PIGA: variants seen among roughly 807,000 people sequenced by gnomAD.
The protein encoded by PIGA is phosphatidylinositol glycan anchor biosynthesis class A.
In PIGA, 3 loss-of-function variants were observed where a neutral mutation model predicts 17.1. That is an observed-to-expected ratio of 0.18 (90% CI 0.08 to 0.45). The LOEUF (loss-of-function observed/expected upper bound fraction) is 0.45, where lower values mean the gene tolerates loss of function less well. PIGA is among the 20% of genes least tolerant of loss of function. The probability of loss-of-function intolerance (pLI) is 0.99; values close to 1 mark genes in which losing one functional copy is unlikely to be tolerated. For missense variants in PIGA, 231 were observed against 374.1 expected (o/e 0.62, Z 3.16); for synonymous variants, 126 against 135.1 (o/e 0.93, Z 0.47).
chrX:15,324,100 CTTTT>C (rs528474907), intron 5 of PIGA, among the ~76,000 whole-genome samples: 2 of 112,241 alleles, frequency 1.8e-5, no homozygotes, highest in South Asian at 3.6e-4. Flanking sequence ...TCTGTTGCTG[CTTTT>C]TATTTGTGAT....
intron 3 of PIGA, 65 bp downstream of exon 3, chrX:15,325,849 C>A: frequency 1.1e-6 from 1 of 908,377 alleles, no homozygotes; most frequent in Non-Finnish European, 1.5e-6. Context: ...GGTACGCATG[C>A]AGTTAAAACC....
chrX:15,325,858 C>T, intron 3 of PIGA, 56 bp downstream of exon 3: 1 of 1,060,789 alleles, frequency 9.4e-7, no homozygotes. Context: ...GCAGTTAAAA[C>T]CAAATAGAGA....
Position 15,331,542 on chromosome X carries a change from G to T in PIGA, c.389C>A (p.Ser130Tyr). Residue 130 changes from serine (S) to tyrosine (Y), a missense_variant, in exon 2 of 6, where the codon TCT (serine) becomes TAT (tyrosine). By Grantham distance (144) the Ser-to-Tyr change is moderately radical (BLOSUM62 -2). Transcript: ENST00000333590. ...ERVTIIHSHS[S>Y]FSAMAHDALF... ...AGCATCATGGGCCATAGCAGAAAAA[G>T]AACTATGTGAATGGATTATCGTGAC... is the stretch of plus-strand genomic sequence containing the variant. The T allele has an allele frequency of 8.3e-7, 1 of 1,210,979 alleles. No individual in the cohort carries two copies. The highest frequency in any genetic ancestry group is 1.1e-6 in the Non-Finnish European group (1 of 894,771).
intron 1 of PIGA, among the ~76,000 whole-genome samples, chrX:15,334,018 C>T (rs749581242): frequency 9.0e-6 from 1 of 110,994 alleles, no homozygotes; most frequent in Admixed American, 9.6e-5. Flanking sequence ...TCAAAATCTT[C>T]CTCAGCTTTA....
At chrX:15,325,263 C>A in intron 3 of PIGA, 111 bp from the exon 4 acceptor site, 1 of 655,117 alleles carries the variant, frequency 1.5e-6, no homozygotes, top group Non-Finnish European at 2.1e-6. Flanking sequence ...CTTATTGCTG[C>A]TAATGTTCTC....
At position 15,321,811 on chromosome X, in the gene PIGA, T is replaced by C. The variant is rs754131684; in HGVS notation, c.1189-39A>G. The C allele has an allele frequency of 1.2e-5, 14 of 1,122,832 alleles. No individual in the cohort carries two copies. The South Asian group carries it at 2.5e-4, about 20-fold the overall frequency. 92.5% of individuals were successfully genotyped at this position (1,122,832 alleles called of 1,213,427 possible). On this transcript the variant is annotated intron_variant, in intron 5 of 5. Coordinates refer to ENST00000333590, the MANE Select transcript of PIGA (RefSeq NM_002641.4). ...AGCCAAGTGTGAGCACTTTCACCCA[T>C]CACCCCATCACCTGTCCCATGATAA...
chrX:15,332,856 T>C (rs1922208245), intron 1 of PIGA, among the ~76,000 whole-genome samples: 1 of 111,847 alleles, frequency 8.9e-6, no homozygotes, highest in Non-Finnish European at 1.9e-5. Context: ...GGCCCAGCCA[T>C]CCAGCCAACT....
At chrX:15,330,078 A>C (rs1281872043) in intron 2 of PIGA, among the ~76,000 whole-genome samples, 1 of 91,621 alleles carries the variant, frequency 1.1e-5, no homozygotes, top group Non-Finnish European at 2.2e-5. Flanking sequence ...ACAGTGCGAG[A>C]CTCCGTCTCA....
Position 15,331,835 on chromosome X carries a change from G to T in PIGA, c.96C>A (p.Thr32=), listed in dbSNP as rs750555194. Residue 32 remains threonine, a synonymous_variant, in exon 2 of 6, where the codon ACC becomes ACA. Coordinates refer to ENST00000333590, the MANE Select transcript of PIGA (RefSeq NM_002641.4). ...PGSLYTCRTR[T]HNICMVSDFF... ...AGTCAGATACCATGCATATATTATG[G>T]GTACGGGTTCTACATGTGTAAAGAC... The T allele has an allele frequency of 3.3e-6, 4 of 1,210,171 alleles. No homozygotes were observed. The highest frequency in any genetic ancestry group is 1.7e-5 in the African/African-American group (1 of 57,202).
chrX:15,331,028 C>T (rs937555995), intron 2 of PIGA, 188 bp downstream of exon 2: 2 of 392,374 alleles, frequency 5.1e-6, no homozygotes, highest in Non-Finnish European at 8.8e-6. Context: ...GGACAGCATT[C>T]ACCACCATCC....
At chrX:15,328,866 C>T (rs1386362477) in intron 2 of PIGA, 3 of 112,021 alleles carry the variant, frequency 2.7e-5, no homozygotes, top group Non-Finnish European at 5.6e-5. Context: ...AGAAGATATG[C>T]TATTTGGTTA....
chrX:15,325,788 T>C (rs1360506790), intron 3 of PIGA, 126 bp downstream of exon 3: 5 of 448,241 alleles, frequency 1.1e-5, no homozygotes, highest in Admixed American at 8.4e-5. Flanking sequence ...GCATTAGATT[T>C]ATATCAATTA....
Position 15,331,445 on chromosome X carries a change from G to A in PIGA, c.486C>T (p.Val162=), listed in dbSNP as rs368684591. ...GAAGCTTGTTTGTAAGCACCGAGCT[G>A]ACATCAGCAAATCCAAAAAGGGAAT... ...TDHSLFGFAD[V]SSVLTNKLLT... is the part of the protein sequence containing the mutation. The change falls in exon 2 of 6, where the codon GTC becomes GTT. Residue 162 remains valine, a synonymous_variant. Coordinates refer to ENST00000333590, the MANE Select transcript of PIGA (RefSeq NM_002641.4). 3.3e-6 allele frequency: 4 copies of A among 1,210,049 alleles called. No individual in the cohort carries two copies. The African/African-American group carries it at 7.0e-5, about 21-fold the overall frequency.
At position 15,321,652 on chromosome X, in the gene PIGA, G is replaced by A; in HGVS notation, c.1309C>T (p.Leu437Phe). 1 of 1,210,901 alleles carries A rather than the reference G, an allele frequency of 8.3e-7. No individual in the cohort carries two copies. Among genetic ancestry groups the A allele is most frequent in the East Asian group, 3.0e-5 (1 of 33,847 alleles). ...ATCCATCTCAAGAAAATGAGGAAGA[G>A]GAAGTTGAAAACTGCCAACAAAGCA... Reference protein sequence around the residue: ...IFALLAVFNFLFLIFLRWMTP... With the variant: ...IFALLAVFNFFFLIFLRWMTP... Residue 437 changes from leucine to phenylalanine, a missense_variant, in exon 6 of 6, where the codon CTC (leucine) becomes TTC (phenylalanine). This residue lies in a region of PIGA where 88 missense variants were observed against 100.5 expected (regional missense o/e 0.88). Transcript: ENST00000333590.
chrX:15,335,486 G>A lies in PIGA; in HGVS notation c.-63+15C>T, dbSNP rs2147727468. The A allele has an allele frequency of 3.0e-6, 3 of 986,254 alleles. No homozygotes were observed. Among genetic ancestry groups the A allele is most frequent in the East Asian group, 4.1e-5 (1 of 24,346 alleles). 81.3% of individuals were successfully genotyped at this position (986,254 alleles called of 1,213,427 possible). A position where few individuals can be genotyped will look rare whatever the true frequency, so the allele number is the denominator to read the frequency against. On this transcript the variant is annotated intron_variant, in intron 1 of 5. Transcript: ENST00000333590. Reference sequence around the variant, plus strand: ...GCCCAGAGCGCTGGAGAGGGGCGGCGCGACGCGCACTCACCGGTGAGTTCC... The same window carrying A: ...GCCCAGAGCGCTGGAGAGGGGCGGCACGACGCGCACTCACCGGTGAGTTCC...
rs776297061 is a variant in PIGA, at chrX:15,330,571, GA to G, written c.715+644del. Reference sequence around the variant, plus strand: ...AAAGACATTACTTTGGCAATCAGAAGAAAAAAGCCATCTGTGAGCTCTGCCC... The same window carrying G: ...AAAGACATTACTTTGGCAATCAGAAGAAAAAGCCATCTGTGAGCTCTGCCC... On this transcript the variant is annotated intron_variant, in intron 2 of 5. Coordinates refer to ENST00000333590, the MANE Select transcript of PIGA (RefSeq NM_002641.4). Among the ~76,000 whole-genome samples, 19 of 111,878 alleles carry G rather than the reference GA, an allele frequency of 1.7e-4. No individual in the cohort carries two copies. In the East Asian group the frequency reaches 4.5e-3, roughly 26 times the overall value.
chrX:15,333,408 C>T (rs1014350402), intron 1 of PIGA, among the ~76,000 whole-genome samples: 1 of 111,957 alleles, frequency 8.9e-6, no homozygotes, highest in Non-Finnish European at 1.9e-5. Context: ...AGGCCGGGTG[C>T]GGTGGCTCAC....
intron 1 of PIGA, among the ~76,000 whole-genome samples, chrX:15,333,968 TCTTA>T (rs750536084): frequency 1.6e-4 from 18 of 111,443 alleles, no homozygotes; most frequent in African/African-American, 5.5e-4. Flanking sequence ...TACTGTACAT[TCTTA>T]GACACTTAAA....
At chrX:15,333,697 AC>A (rs1922238484) in intron 1 of PIGA, among the ~76,000 whole-genome samples, 1 of 111,847 alleles carries the variant, frequency 8.9e-6, no homozygotes, top group African/African-American at 3.3e-5. Context: ...ACAAAACAAA[AC>A]AAAAACAAAA....
Sources: allele counts gnomAD v4.1 joint callset (sites outside exome capture counted in the v4.1 genomes callset), GRCh38; gene constraint gnomAD v4.1.1; regional missense constraint gnomAD v4.1.1; transcripts MANE v1.5; gene names NCBI Gene and HGNC (gene_info 2026-07-23, HGNC 2026-07-21).